The following SLC39A11 variants were observed in gnomAD, a reference collection of about 807,000 sequenced individuals.
SLC39A11 encodes zinc transporter ZIP11.
A neutral mutation model predicts 36.1 loss-of-function variants in SLC39A11; 33 were observed. The observed-to-expected ratio is 0.91, with a 90% CI of 0.69 to 1.22. The LOEUF (loss-of-function observed/expected upper bound fraction) is 1.22. SLC39A11 is among the 50% of genes most tolerant of loss of function. SLC39A11 has a pLI of 0.00. For synonymous variants in SLC39A11, 166 were observed against 170.3 expected, an observed-to-expected ratio of 0.97 and a Z score of 0.20; for missense variants, 432 against 430.3, an observed-to-expected ratio of 1.00 and a Z score of -0.03.
chr17:72,973,207 A>C (rs1179316566), intron 4 of SLC39A11, among the ~76,000 whole-genome samples: 1 of 151,962 alleles, frequency 6.6e-6, no homozygotes, highest in Non-Finnish European at 1.5e-5. Context: ...TTTGATTAGA[A>C]GAAATAGAAA....
At chr17:72,735,256 C>T (rs1192185853) in intron 7 of SLC39A11, among the ~76,000 whole-genome samples, 2 of 152,080 alleles carry the variant, frequency 1.3e-5, no homozygotes, top group Non-Finnish European at 2.9e-5. Context: ...TAGAATTCAG[C>T]GACCAGCAAT....
chr17:72,665,389 G>GTTTTTTTTTTTTTTTTTTTTT lies in SLC39A11; in HGVS notation c.672-16142_672-16122dup, dbSNP rs780329919. Among the ~76,000 whole-genome samples the GTTTTTTTTTTTTTTTTTTTTT allele has an allele frequency of 7.3e-4, 56 of 76,612 alleles. 8 individuals are homozygous for GTTTTTTTTTTTTTTTTTTTTT. The highest frequency in any genetic ancestry group is 1.0e-3 in the South Asian group (2 of 1,910). 50.3% of individuals were successfully genotyped at this position (76,612 alleles called of 152,430 possible). A position where few individuals can be genotyped will look rare whatever the true frequency, so the allele number is the denominator to read the frequency against. ...GGTTTAAGCCACCAAGTTTTGAGGT[G>GTTTTTTTTTTTTTTTTTTTTT]TTTTTTTTTTTTTTTTTTTTTGAGA... On this transcript the variant is annotated intron_variant, in intron 7 of 9. Transcript: ENST00000255559.
At chr17:73,051,226 C>A (rs2059487707) in intron 3 of SLC39A11, among the ~76,000 whole-genome samples, 3 of 151,790 alleles carry the variant, frequency 2.0e-5, no homozygotes, top group Non-Finnish European at 4.4e-5. Flanking sequence ...CCTCACCTGT[C>A]TGTTTGTCTG....
intron 6 of SLC39A11, among the ~76,000 whole-genome samples, chr17:72,817,398 C>T (rs897798345): frequency 6.6e-6 from 1 of 151,854 alleles, no homozygotes; most frequent in African/African-American, 2.4e-5. Context: ...TTTTCAACAA[C>T]CAATTCTTGC....
At chr17:72,907,695 T>A (rs1484280891) in intron 5 of SLC39A11, among the ~76,000 whole-genome samples, 1 of 152,094 alleles carries the variant, frequency 6.6e-6, no homozygotes, top group Non-Finnish European at 1.5e-5. Flanking sequence ...CCCACCTCCA[T>A]CCCACTCCAC....
intron 3 of SLC39A11, chr17:73,073,889 C>T (rs2060238764): frequency 6.6e-6 from 1 of 152,130 alleles, no homozygotes; most frequent in South Asian, 2.1e-4. Context: ...GCAGGAGCCT[C>T]CTCAGAGTCC....
chr17:72,994,669 C>T (rs2089397480), intron 4 of SLC39A11, among the ~76,000 whole-genome samples: 2 of 152,146 alleles, frequency 1.3e-5, no homozygotes, highest in African/African-American at 4.8e-5. Flanking sequence ...CAGGATCCAG[C>T]CTACTTTAAG....
At position 73,072,000 on chromosome 17, in the gene SLC39A11, G is replaced by A. The variant is rs114427376; in HGVS notation, c.147+12808C>T. On this transcript the variant is annotated intron_variant, in intron 3 of 9. Transcript: ENST00000255559. ...AGAACGAATGAATAAAAAATGAGCC[G>A]ACTACCCTAAAGGAATATCTATTAA... Among the ~76,000 whole-genome samples, 534 of 152,202 alleles carry A rather than the reference G, an allele frequency of 3.5e-3. 4 individuals are homozygous for A. Among genetic ancestry groups the A allele is most frequent in the African/African-American group, 0.012 (514 of 41,536 alleles).
chr17:72,703,839 AACTGTTGGC>A (rs1598396417), intron 7 of SLC39A11, among the ~76,000 whole-genome samples: 1 of 152,186 alleles, frequency 6.6e-6, no homozygotes, highest in East Asian at 1.9e-4. Context: ...AAATAAGACA[AACTGTTGGC>A]CGGGGGTGGT....
chr17:72,766,254 A>G (rs895564353), intron 6 of SLC39A11, among the ~76,000 whole-genome samples: 1 of 152,138 alleles, frequency 6.6e-6, no homozygotes, highest in African/African-American at 2.4e-5. Flanking sequence ...GCTGGCTGTC[A>G]CTGTCATCCC....
chr17:72,722,759 C>T (rs768529095), intron 7 of SLC39A11, among the ~76,000 whole-genome samples: 1 of 152,074 alleles, frequency 6.6e-6, no homozygotes, highest in Non-Finnish European at 1.5e-5. Context: ...CTCAGCCTCC[C>T]GAGTAGCTGG....
chr17:72,794,518 C>T (rs2145128506), intron 6 of SLC39A11, among the ~76,000 whole-genome samples: 1 of 152,158 alleles, frequency 6.6e-6, no homozygotes, highest in South Asian at 2.1e-4. Context: ...GTCCCCAAGG[C>T]CCCGGTGTCC....
intron 4 of SLC39A11, among the ~76,000 whole-genome samples, chr17:72,948,182 T>C (rs2085561398): frequency 6.6e-6 from 1 of 151,900 alleles, no homozygotes; most frequent in Admixed American, 6.5e-5. Context: ...AAAACTCCAC[T>C]GCAAGCGTCA....
chr17:73,012,910 T>C (rs574116144), intron 4 of SLC39A11, among the ~76,000 whole-genome samples: 3 of 152,204 alleles, frequency 2.0e-5, no homozygotes, highest in Admixed American at 2.0e-4. Flanking sequence ...GCGATTCTCC[T>C]GTCTCAGCCT....
At chr17:72,778,828 TG>T (rs1428275741) in intron 6 of SLC39A11, among the ~76,000 whole-genome samples, 1 of 152,230 alleles carries the variant, frequency 6.6e-6, no homozygotes. Context: ...TAATAAAGGT[TG>T]GGGAAGTAGA....
At chr17:72,731,790 G>A (rs1295227610) in intron 7 of SLC39A11, among the ~76,000 whole-genome samples, 3 of 151,826 alleles carry the variant, frequency 2.0e-5, no homozygotes, top group East Asian at 1.9e-4. Context: ...GCAATGGCGC[G>A]ATCTTGGCAC....
chr17:72,905,390 G>A (rs1023816728), intron 5 of SLC39A11, among the ~76,000 whole-genome samples: 12 of 151,472 alleles, frequency 7.9e-5, no homozygotes, highest in African/African-American at 2.7e-4. Context: ...GAAGTCAGGA[G>A]TTCCAGACCC....
At chr17:72,929,535 T>A (rs2452931) in intron 5 of SLC39A11, among the ~76,000 whole-genome samples, 71,287 of 151,978 alleles carry the variant, frequency 0.47, 16,998 homozygotes, top group African/African-American at 0.53. Flanking sequence ...TACACAGGCA[T>A]CGCTGCAGCC....
chr17:72,837,886 G>T, intron 6 of SLC39A11: 1 of 1,145,168 alleles, frequency 8.7e-7, no homozygotes, highest in Non-Finnish European at 1.1e-6. Flanking sequence ...CTGGAGGGAG[G>T]GAGGAATGGG....
Sources: allele counts gnomAD v4.1 joint callset (sites outside exome capture counted in the v4.1 genomes callset), GRCh38; gene constraint gnomAD v4.1.1; transcripts MANE v1.5; gene names NCBI Gene and HGNC (gene_info 2026-07-23, HGNC 2026-07-21).